CSMD3: variants seen among roughly 807,000 people sequenced by gnomAD.
The protein encoded by CSMD3 is CUB and sushi domain-containing protein 3.
Under a neutral mutation model 435.2 loss-of-function variants are expected in CSMD3, and 177 were observed. That is an observed-to-expected ratio of 0.41 (90% confidence interval 0.36 to 0.46). CSMD3 has a LOEUF of 0.46. Among genes scored for constraint, CSMD3 ranks in the 20% least tolerant of loss-of-function variants. The pLI, the probability that CSMD3 is intolerant of heterozygous loss-of-function variation, is 0.34. For missense variants in CSMD3, 4,265 were observed against 4,504.6 expected (o/e 0.95, Z 1.52); for synonymous variants, 1,656 against 1,520.5 (o/e 1.09, Z -2.07).
At chr8:113,156,540 T>C (rs2091931924) in intron 4 of CSMD3, among the ~76,000 whole-genome samples, 1 of 151,800 alleles carries the variant, frequency 6.6e-6, no homozygotes, top group Non-Finnish European at 1.5e-5. Flanking sequence ...CTACTCTTTC[T>C]CTTTTTATTA....
intron 9 of CSMD3, among the ~76,000 whole-genome samples, chr8:112,930,907 A>T (rs2130705745): frequency 6.6e-6 from 1 of 152,254 alleles, no homozygotes; most frequent in East Asian, 1.9e-4. Flanking sequence ...GCTGACAAGG[A>T]ATAATAAATT....
chr8:112,685,694 C>T lies in CSMD3; in HGVS notation c.2194G>A (p.Val732Ile), dbSNP rs986389003. The part of the protein sequence containing the change: ...LSNFTAPMGT[V>I]LSPDYPEGYG... ...CCTTCTGGGTAATCAGGAGAAAGAA[C>T]TGTTCCCATTGGTGCAGTAAAGTTA... is the stretch of plus-strand genomic sequence containing the variant. Residue 732 changes from valine to isoleucine, a missense_variant, in exon 15 of 71, where the codon GTT becomes ATT. This residue lies in a region of CSMD3 where 279 missense variants were observed against 369.0 expected (regional missense o/e 0.76). Coordinates refer to ENST00000297405, the MANE Select transcript of CSMD3 (RefSeq NM_198123.2). 7 of 1,613,326 alleles carry T rather than the reference C, an allele frequency of 4.3e-6. No homozygotes were observed. The highest frequency in any genetic ancestry group is 5.1e-6 in the Non-Finnish European group (6 of 1,179,484).
chr8:112,689,119 C>G (rs2076076431), intron 14 of CSMD3, among the ~76,000 whole-genome samples: 1 of 151,934 alleles, frequency 6.6e-6, no homozygotes, highest in Non-Finnish European at 1.5e-5. Flanking sequence ...AGAACTAAAA[C>G]AAAAGGGGAC....
At chr8:112,648,783 C>T (rs941040594) in intron 19 of CSMD3, among the ~76,000 whole-genome samples, 5 of 152,146 alleles carry the variant, frequency 3.3e-5, no homozygotes, top group Admixed American at 2.6e-4. Flanking sequence ...GAATGCTCCT[C>T]ATTCAGGCCA....
intron 3 of CSMD3, among the ~76,000 whole-genome samples, chr8:113,208,262 T>C (rs1367102833): frequency 6.6e-6 from 1 of 152,160 alleles, no homozygotes; most frequent in Non-Finnish European, 1.5e-5. Context: ...GTGGGATGGA[T>C]GGTGGTCAGA....
chr8:112,655,632 T>C (rs1469173784), intron 18 of CSMD3, among the ~76,000 whole-genome samples: 2 of 152,004 alleles, frequency 1.3e-5, no homozygotes, highest in African/African-American at 4.8e-5. Context: ...AATATAGTTT[T>C]CTCGACTTAT....
chr8:112,357,330 C>T (rs1488532782), intron 38 of CSMD3, among the ~76,000 whole-genome samples: 1 of 152,034 alleles, frequency 6.6e-6, no homozygotes, highest in African/African-American at 2.4e-5. Context: ...TTCTAAGGGG[C>T]AAAGCATTCA....
rs199644396 is a variant in CSMD3, at chr8:113,395,542, G to C, written c.178+41135C>G. Reference sequence around the variant, plus strand: ...GATAATGGCGTGAACCCGGGAGGCGGAGCTTGCAGTGAGCTGAGATCGCGC... The same window carrying C: ...GATAATGGCGTGAACCCGGGAGGCGCAGCTTGCAGTGAGCTGAGATCGCGC... On this transcript the variant is annotated intron_variant, in intron 1 of 70. Transcript: ENST00000297405. 2.5e-4 allele frequency among the ~76,000 whole-genome samples: 37 copies of C among 150,910 alleles called. No individual in the cohort carries two copies. In the East Asian group the frequency reaches 6.7e-3, roughly 27 times the overall value.
At chr8:112,361,130 T>G (rs563810591) in intron 38 of CSMD3, among the ~76,000 whole-genome samples, 131 of 152,054 alleles carry the variant, frequency 8.6e-4, no homozygotes, top group African/African-American at 3.1e-3. Flanking sequence ...CCAAGGCTAG[T>G]TTCCTGCTTA....
chr8:112,775,114 T>G (rs114578241), intron 13 of CSMD3, among the ~76,000 whole-genome samples: 422 of 151,988 alleles, frequency 2.8e-3, no homozygotes, highest in African/African-American at 9.3e-3. Flanking sequence ...ACTGCCCTGA[T>G]ACCTTGTCCC....
chr8:112,622,598 C>G (rs935598243), intron 22 of CSMD3, among the ~76,000 whole-genome samples: 1 of 152,070 alleles, frequency 6.6e-6, no homozygotes, highest in African/African-American at 2.4e-5. Flanking sequence ...ACAGATTAGG[C>G]CTTCTAATTT....
intron 1 of CSMD3, chr8:113,377,225 G>A (rs1450073483): frequency 6.7e-6 from 6 of 894,190 alleles, no homozygotes; most frequent in Admixed American, 3.6e-5. Flanking sequence ...AGACCGAAGG[G>A]CCAGCCGAGG....
chr8:112,319,822 A>G (rs1191297985), intron 46 of CSMD3, 79 bp downstream of exon 46: 26 of 986,570 alleles, frequency 2.6e-5, no homozygotes, highest in Middle Eastern at 2.1e-4. Flanking sequence ...GGCTATTACT[A>G]TTCTGTATTT....
At chr8:112,776,770 AT>A (rs1434187945) in intron 13 of CSMD3, among the ~76,000 whole-genome samples, 1 of 151,700 alleles carries the variant, frequency 6.6e-6, no homozygotes, top group Non-Finnish European at 1.5e-5. Context: ...GTTTCCTTAC[AT>A]TTCCCTCAGA....
chr8:113,194,079 T>C (rs528189460), intron 3 of CSMD3, among the ~76,000 whole-genome samples: 1 of 151,422 alleles, frequency 6.6e-6, no homozygotes, highest in East Asian at 1.9e-4. Context: ...ACCAATTTTC[T>C]TTGGGGGAAA....
intron 5 of CSMD3, among the ~76,000 whole-genome samples, chr8:113,067,543 C>G (rs965094711): frequency 5.3e-5 from 8 of 151,926 alleles, no homozygotes; most frequent in African/African-American, 1.9e-4. Context: ...TGCCATTGAA[C>G]ACAATAGCAA....
At chr8:113,102,160 A>G (rs2090348930) in intron 4 of CSMD3, among the ~76,000 whole-genome samples, 1 of 152,070 alleles carries the variant, frequency 6.6e-6, no homozygotes, top group Non-Finnish European at 1.5e-5. Context: ...TTCTTTCATC[A>G]TTACTCTGTC....
Position 112,552,676 on chromosome 8 carries a change from A to C in CSMD3, c.4279T>G (p.Leu1427Val). 6.2e-7 allele frequency: 1 copy of C among 1,611,768 alleles called. No individual in the cohort carries two copies. The highest frequency in any genetic ancestry group is 8.5e-7 in the Non-Finnish European group (1 of 1,178,396). The change falls in exon 26 of 71, where the codon TTA (leucine) becomes GTA (valine). Residue 1427 changes from leucine (L) to valine (V), a missense_variant. Transcript: ENST00000297405. The part of the protein sequence containing the change: ...RFKGESSGRI[L>V]SPGYPFPYDN... Reference sequence around the variant, plus strand: ...TATGGAAAAGGATAGCCAGGAGATAAGATTCTTCCTGATGATTCTCCTTTA... The same window carrying C: ...TATGGAAAAGGATAGCCAGGAGATACGATTCTTCCTGATGATTCTCCTTTA...
intron 1 of CSMD3, among the ~76,000 whole-genome samples, chr8:113,323,450 A>G (rs1704679233): frequency 6.6e-6 from 1 of 152,158 alleles, no homozygotes; most frequent in Non-Finnish European, 1.5e-5. Flanking sequence ...TGCAGCTCCA[A>G]ATTTGTTCAA....
Sources: allele counts gnomAD v4.1 joint callset (sites outside exome capture counted in the v4.1 genomes callset), GRCh38; gene constraint gnomAD v4.1.1; regional missense constraint gnomAD v4.1.1; transcripts MANE v1.5; gene names NCBI Gene and HGNC (gene_info 2026-07-23, HGNC 2026-07-21).